The following NHS variants were observed in gnomAD, a reference collection of about 807,000 sequenced individuals.
NHS encodes actin remodeling regulator NHS.
Under a neutral mutation model 72.5 loss-of-function variants are expected in NHS, and 5 were observed. That is an observed-to-expected ratio of 0.07 (90% CI 0.04 to 0.14). NHS has a LOEUF of 0.14. Ranked by LOEUF, NHS falls within the 10% of genes least tolerant of loss-of-function variation. The pLI, the probability that NHS is intolerant of heterozygous loss-of-function variation, is 1.00. For missense variants in NHS, 1,072 were observed against 1,355.7 expected (o/e 0.79, Z 3.29); for synonymous variants, 464 against 547.7 (o/e 0.85, Z 2.13).
At chrX:17,579,473 C>A (rs1318589707) in intron 1 of NHS, among the ~76,000 whole-genome samples, 1 of 111,107 alleles carries the variant, frequency 9.0e-6, no homozygotes, top group Non-Finnish European at 1.9e-5. Context: ...TCCCCCTGCT[C>A]CCCCTCTCCC....
chrX:17,394,311 T>G (rs2064461397), intron 1 of NHS, among the ~76,000 whole-genome samples: 1 of 111,960 alleles, frequency 8.9e-6, no homozygotes, highest in Non-Finnish European at 1.9e-5. Context: ...AGTGGGCTTT[T>G]ATGATAAATT....
intron 1 of NHS, among the ~76,000 whole-genome samples, chrX:17,588,299 G>T (rs2065585779): frequency 9.0e-6 from 1 of 111,673 alleles, no homozygotes; most frequent in Middle Eastern, 4.2e-3. Flanking sequence ...TGGGGAGAGG[G>T]TGCCTGGAAA....
intron 1 of NHS, among the ~76,000 whole-genome samples, chrX:17,426,780 G>T (rs1411640216): frequency 9.0e-6 from 1 of 111,685 alleles, no homozygotes; most frequent in African/African-American, 3.3e-5. Context: ...GTGCCTCTAA[G>T]TGAGAAGCAT....
intron 1 of NHS, among the ~76,000 whole-genome samples, chrX:17,512,258 A>G (rs2065092739): frequency 8.9e-6 from 1 of 112,240 alleles, no homozygotes; most frequent in Admixed American, 9.5e-5. Flanking sequence ...AGGGGGCACA[A>G]CACTTAAAAA....
chrX:17,723,743 G>GTGTGTGTGTGTGTGTA (rs2066420352), intron 5 of NHS, among the ~76,000 whole-genome samples: 2 of 92,560 alleles, frequency 2.2e-5, no homozygotes, highest in African/African-American at 9.7e-5. Context: ...GTGTGTGTGT[G>GTGTGTGTGTGTGTGTA]TGTGTGTGTG....
At chrX:17,611,300 C>T (rs749924026) in intron 1 of NHS, among the ~76,000 whole-genome samples, 15 of 111,961 alleles carry the variant, frequency 1.3e-4, no homozygotes, top group Middle Eastern at 4.6e-3. Flanking sequence ...GGAAAACCCA[C>T]ATGGTTTGTT....
intron 1 of NHS, among the ~76,000 whole-genome samples, chrX:17,503,122 C>T (rs962642220): frequency 8.9e-6 from 1 of 111,994 alleles, no homozygotes; most frequent in African/African-American, 3.2e-5. Flanking sequence ...CCTTCCTGGC[C>T]CTTATAAATT....
intron 1 of NHS, among the ~76,000 whole-genome samples, chrX:17,607,765 C>G (rs914999123): frequency 8.1e-5 from 9 of 110,540 alleles, no homozygotes; most frequent in African/African-American, 1.6e-4. Context: ...TTAATTTTAA[C>G]TAATTGGAAT....
At chrX:17,462,882 A>G (rs1276336010) in intron 1 of NHS, among the ~76,000 whole-genome samples, 1 of 112,358 alleles carries the variant, frequency 8.9e-6, no homozygotes, top group African/African-American at 3.2e-5. Context: ...ATAATAAGAA[A>G]GAAGAATAAG....
chrX:17,615,264 A>G (rs1443146954), intron 1 of NHS, among the ~76,000 whole-genome samples: 2 of 100,636 alleles, frequency 2.0e-5, no homozygotes, highest in Non-Finnish European at 4.0e-5. Context: ...ATATACACAT[A>G]TATATATATA....
At chrX:17,473,427 C>G (rs188058969) in intron 1 of NHS, among the ~76,000 whole-genome samples, 112 of 112,669 alleles carry the variant, frequency 9.9e-4, no homozygotes, top group African/African-American at 3.4e-3. Context: ...ATGGCAGCCT[C>G]TAGCTGCAGA....
At chrX:17,560,417 T>G (rs1189711968) in intron 1 of NHS, among the ~76,000 whole-genome samples, 1 of 112,634 alleles carries the variant, frequency 8.9e-6, no homozygotes, top group Non-Finnish European at 1.9e-5. Context: ...AACAAAAACC[T>G]GCAAGTTCAG....
intron 1 of NHS, among the ~76,000 whole-genome samples, chrX:17,464,508 T>G (rs2146898507): frequency 8.9e-6 from 1 of 112,267 alleles, no homozygotes; most frequent in African/African-American, 3.2e-5. Flanking sequence ...ACCAGTGTCC[T>G]GAAATGAGTC....
chrX:17,696,564 A>G (rs2066231738), intron 3 of NHS, among the ~76,000 whole-genome samples: 3 of 112,368 alleles, frequency 2.7e-5, no homozygotes, highest in Non-Finnish European at 5.6e-5. Flanking sequence ...CATTAGAAGT[A>G]GTCTACACAG....
At position 17,728,148 on chromosome X, in the gene NHS, C is replaced by T. The variant is rs780530772; in HGVS notation, c.4042C>T (p.Arg1348Cys). The change falls in exon 7 of 9, where the codon CGC becomes TGC. Residue 1348 changes from arginine (R) to cysteine (C), a missense_variant. By Grantham distance (180) the Arg-to-Cys change is radical (BLOSUM62 -3). Coordinates refer to ENST00000676302, the MANE Select transcript of NHS (RefSeq NM_001291867.2). ...NQFKHQFVMS[R>C]HHDKVPGTIS... The stretch of plus-strand genomic sequence containing the variant: ...ATTTAAGCATCAATTTGTTATGAGC[C>T]GCCACCATGACAAAGTGCCTGGTAC... 3.3e-6 allele frequency: 4 copies of T among 1,209,666 alleles called. No individual in the cohort carries two copies. Among genetic ancestry groups the T allele is most frequent in the African/African-American group, 1.8e-5 (1 of 57,011 alleles).
chrX:17,606,956 A>T (rs1382189060), intron 1 of NHS, among the ~76,000 whole-genome samples: 3 of 112,275 alleles, frequency 2.7e-5, no homozygotes, highest in Non-Finnish European at 5.6e-5. Flanking sequence ...AGGAAATATT[A>T]TTTATGATCT....
At chrX:17,621,042 T>C (rs1385538543) in intron 1 of NHS, among the ~76,000 whole-genome samples, 3 of 112,291 alleles carry the variant, frequency 2.7e-5, no homozygotes, top group African/African-American at 9.7e-5. Context: ...CCATGCATTA[T>C]AGGAAGAATA....
chrX:17,507,893 G>C (rs1215736695), intron 1 of NHS, among the ~76,000 whole-genome samples: 2 of 111,564 alleles, frequency 1.8e-5, no homozygotes, highest in African/African-American at 6.5e-5. Flanking sequence ...GAAAGATGGG[G>C]GCAAGCATGA....
rs770805275 is a variant in NHS, at chrX:17,732,961, T to A, written c.*497T>A. 1 of 138,234 alleles carries A rather than the reference T, an allele frequency of 7.2e-6. No homozygotes were observed. The highest frequency in any genetic ancestry group is 1.5e-5 in the Non-Finnish European group (1 of 68,587). 11.4% of individuals were successfully genotyped at this position (138,234 alleles called of 1,213,427 possible). A position where few individuals can be genotyped will look rare whatever the true frequency, so the allele number is the denominator to read the frequency against. On this transcript the variant is annotated 3_prime_UTR_variant, in exon 9 of 9. Transcript: ENST00000676302. Reference sequence around the variant, plus strand: ...AATGTGTAAATAGATTTATCAATGATGAGTGGACATGTGGTCAATTATCTA... The same window carrying A: ...AATGTGTAAATAGATTTATCAATGAAGAGTGGACATGTGGTCAATTATCTA...
Sources: gnomAD v4.1 joint callset for allele counts (sites outside exome capture counted in the v4.1 genomes callset) on GRCh38, gnomAD v4.1.1 for gene constraint, MANE v1.5 for transcripts, NCBI Gene and HGNC (gene_info 2026-07-23, HGNC 2026-07-21) for gene names.